The following EGFLAM variants were observed in gnomAD, a reference collection of about 807,000 sequenced individuals.
The protein encoded by EGFLAM is EGF like, fibronectin type III and laminin G domains.
Under a neutral mutation model 113.1 loss-of-function variants are expected in EGFLAM, and 79 were observed. That is an observed-to-expected ratio of 0.70 (90% confidence interval 0.58 to 0.84). EGFLAM has a LOEUF of 0.84. Among genes scored for constraint, EGFLAM ranks in the 40% least tolerant of loss-of-function variants. The probability of loss-of-function intolerance (pLI) is 0.00; values close to 1 mark genes in which losing one functional copy is unlikely to be tolerated. For synonymous variants in EGFLAM, 504 were observed against 487.6 expected, an observed-to-expected ratio of 1.03 and a Z score of -0.44; for missense variants, 1,265 against 1,291.6, an observed-to-expected ratio of 0.98 and a Z score of 0.32.
intron 20 of EGFLAM, among the ~76,000 whole-genome samples, chr5:38,458,693 T>C (rs1015956324): frequency 2.6e-5 from 4 of 152,108 alleles, no homozygotes; most frequent in Admixed American, 1.3e-4. Flanking sequence ...CTTTAAAGAA[T>C]GTTTGGGCCG....
intron 20 of EGFLAM, among the ~76,000 whole-genome samples, chr5:38,462,312 TCTC>T (rs1743309364): frequency 6.6e-6 from 1 of 152,094 alleles, no homozygotes; most frequent in South Asian, 2.1e-4. Flanking sequence ...CGCCACAAGC[TCTC>T]CTCCCCTGGG....
chr5:38,324,045 A>C lies in EGFLAM; in HGVS notation c.98-13475A>C, dbSNP rs1027096954. On this transcript the variant is annotated intron_variant, in intron 1 of 21. Transcript: ENST00000322350. ...ACAGAATGAAACTCCATCTCAAACA[A>C]AAAAAAAAAAAAAAAAAAGCTTTAC... Among the ~76,000 whole-genome samples the C allele has an allele frequency of 2.2e-3, 150 of 68,110 alleles. 2 individuals carry two copies. The highest frequency in any genetic ancestry group is 9.5e-3 in the African/African-American group (140 of 14,688). 44.7% of individuals were successfully genotyped at this position (68,110 alleles called of 152,430 possible).
chr5:38,461,871 C>T (rs1743285538), intron 20 of EGFLAM, among the ~76,000 whole-genome samples: 1 of 152,090 alleles, frequency 6.6e-6, no homozygotes, highest in South Asian at 2.1e-4. Context: ...CCTTTAGAAA[C>T]TTCTGAGCCA....
At chr5:38,303,999 G>T (rs1190657985) in intron 1 of EGFLAM, among the ~76,000 whole-genome samples, 1 of 151,802 alleles carries the variant, frequency 6.6e-6, no homozygotes. Context: ...TTAGCCAGGT[G>T]TGGCCTGTAA....
chr5:38,463,805 C>T (rs748740674), intron 21 of EGFLAM, 27 bp from the exon 22 acceptor site: 1 of 1,609,614 alleles, frequency 6.2e-7, no homozygotes, highest in South Asian at 1.1e-5. Flanking sequence ...CTTTGGCTCA[C>T]CTCATCTCCC....
chr5:38,339,147 C>G (rs761215180), intron 3 of EGFLAM, among the ~76,000 whole-genome samples: 9 of 151,962 alleles, frequency 5.9e-5, no homozygotes, highest in Non-Finnish European at 4.4e-5. Context: ...ACATTTGTAT[C>G]TTCCCAGCTG....
chr5:38,461,670 G>A (rs1395160648), intron 20 of EGFLAM, among the ~76,000 whole-genome samples: 4 of 152,296 alleles, frequency 2.6e-5, no homozygotes, highest in East Asian at 1.9e-4. Flanking sequence ...TAAATCTCTA[G>A]AAGAGTTGCT....
rs1487167878 is a variant in EGFLAM at position 38,465,409 on chromosome 5, T to C, written c.*1423T>C. The stretch of plus-strand genomic sequence containing the variant: ...TGCAGCATTCATTCAGCAAAGACTT[T>C]TGGGGTTTGTGCAAGGCACAGTTTT... On this transcript the variant is annotated 3_prime_UTR_variant, in exon 22 of 22. Transcript: ENST00000322350. Among the ~76,000 whole-genome samples the C allele has an allele frequency of 6.6e-6, 1 of 152,202 alleles. No homozygotes were observed. The highest frequency in any genetic ancestry group is 2.4e-5 in the African/African-American group (1 of 41,454).
chr5:38,330,944 C>A (rs1001493201), intron 1 of EGFLAM, among the ~76,000 whole-genome samples: 1 of 152,090 alleles, frequency 6.6e-6, no homozygotes, highest in African/African-American at 2.4e-5. Context: ...TAATTCAGAT[C>A]TTTCACAAAT....
intron 16 of EGFLAM, among the ~76,000 whole-genome samples, chr5:38,435,645 G>A (rs1427000579): frequency 6.6e-6 from 1 of 152,018 alleles, no homozygotes; most frequent in Non-Finnish European, 1.5e-5. Flanking sequence ...TTTGCAGTTT[G>A]CTCAACATTA....
At chr5:38,439,401 AC>A (rs2112229840) in intron 17 of EGFLAM, among the ~76,000 whole-genome samples, 1 of 151,938 alleles carries the variant, frequency 6.6e-6, no homozygotes, top group South Asian at 2.1e-4. Context: ...AAAAAAAAAA[AC>A]AAGCCTGGAA....
intron 1 of EGFLAM, among the ~76,000 whole-genome samples, chr5:38,330,410 A>G (rs1219114836): frequency 6.6e-6 from 1 of 152,150 alleles, no homozygotes; most frequent in African/African-American, 2.4e-5. Context: ...GGCAGCAGTA[A>G]TGCCAGTAGT....
At chr5:38,335,492 G>A (rs951304997) in intron 1 of EGFLAM, among the ~76,000 whole-genome samples, 1 of 152,036 alleles carries the variant, frequency 6.6e-6, no homozygotes, top group Admixed American at 6.6e-5. Flanking sequence ...CCCAGAACTC[G>A]TCTCATCCTG....
In EGFLAM at chr5:38,302,236, C is replaced by CAA. The variant is rs35820077; in HGVS notation, c.98-35267_98-35266dup. 8.7e-4 allele frequency among the ~76,000 whole-genome samples: 88 copies of CAA among 100,738 alleles called. 1 individual carries two copies. The South Asian group carries it at 0.013, about 15-fold the overall frequency. The allele number at this position is 100,738 out of a possible 152,430, so 66.1% of individuals were successfully genotyped here. Reference sequence around the variant, plus strand: ...TGGGTGACAGAGTGAAAGTCCATCTCAAAAAAAAAAAAAAAAAATCAGTCT... The same window carrying CAA: ...TGGGTGACAGAGTGAAAGTCCATCTCAAAAAAAAAAAAAAAAAAAATCAGTCT... On this transcript the variant is annotated intron_variant, in intron 1 of 21. Coordinates refer to ENST00000322350, the MANE Select transcript of EGFLAM (RefSeq NM_152403.4).
chr5:38,343,868 T>C (rs780106294), intron 3 of EGFLAM, among the ~76,000 whole-genome samples: 3 of 152,190 alleles, frequency 2.0e-5, no homozygotes, highest in Non-Finnish European at 4.4e-5. Context: ...TCATAGACTT[T>C]CAGTGTTGAA....
chr5:38,263,321 G>A (rs1446825714), intron 1 of EGFLAM, among the ~76,000 whole-genome samples: 1 of 152,120 alleles, frequency 6.6e-6, no homozygotes, highest in Admixed American at 6.5e-5. Context: ...AATTAGCCGG[G>A]CTTGGTGGCG....
chr5:38,312,650 TGC>T (rs1383786183), intron 1 of EGFLAM, among the ~76,000 whole-genome samples: 1 of 152,258 alleles, frequency 6.6e-6, no homozygotes, highest in Non-Finnish European at 1.5e-5. Flanking sequence ...GTTATTCTTC[TGC>T]CTTTGGTTGT....
At chr5:38,381,361 A>G (rs552426461) in intron 6 of EGFLAM, among the ~76,000 whole-genome samples, 3 of 152,216 alleles carry the variant, frequency 2.0e-5, no homozygotes, top group African/African-American at 7.2e-5. Context: ...AGCTTAACAC[A>G]GACACATAGG....
At chr5:38,370,830 T>C (rs1293404414) in intron 6 of EGFLAM, among the ~76,000 whole-genome samples, 11 of 152,150 alleles carry the variant, frequency 7.2e-5, no homozygotes, top group Non-Finnish European at 7.3e-5. Flanking sequence ...CTAAGGCCCC[T>C]GGAGGCTTCA....
Sources: gnomAD v4.1 joint callset for allele counts (sites outside exome capture counted in the v4.1 genomes callset) on GRCh38, gnomAD v4.1.1 for gene constraint, MANE v1.5 for transcripts, NCBI Gene and HGNC (gene_info 2026-07-23, HGNC 2026-07-21) for gene names.